The following PTPRD variants were observed in gnomAD, a reference collection of about 807,000 sequenced individuals.
The protein encoded by PTPRD is protein tyrosine phosphatase receptor type D.
A neutral mutation model predicts 214.5 loss-of-function variants in PTPRD; 34 were observed. The observed-to-expected ratio is 0.16, with a 90% CI of 0.12 to 0.21. The LOEUF (loss-of-function observed/expected upper bound fraction) is 0.21, where lower values mean the gene tolerates loss of function less well. Among genes scored for constraint, PTPRD ranks in the 10% least tolerant of loss-of-function variants. PTPRD has a pLI of 1.00. For missense variants in PTPRD, 2,545 were observed against 2,398.7 expected (o/e 1.06, Z -1.27); for synonymous variants, 1,128 against 845.7 (o/e 1.33, Z -5.79).
chr9:9,018,204 T>G (rs1234194700), intron 11 of PTPRD, among the ~76,000 whole-genome samples: 5 of 152,144 alleles, frequency 3.3e-5, no homozygotes, highest in Admixed American at 3.3e-4. Context: ...ATTGGGTGGT[T>G]GTTGTATTGT....
At chr9:8,372,753 GTTGA>G (rs568929987) in intron 39 of PTPRD, among the ~76,000 whole-genome samples, 29 of 151,930 alleles carry the variant, frequency 1.9e-4, no homozygotes, top group Non-Finnish European at 3.8e-4. Flanking sequence ...CTTTTTTGTT[GTTGA>G]TTGTTAGAAT....
chr9:9,026,029 T>A (rs1245559260), intron 10 of PTPRD, among the ~76,000 whole-genome samples: 1 of 151,958 alleles, frequency 6.6e-6, no homozygotes, highest in Non-Finnish European at 1.5e-5. Flanking sequence ...GATGGATGGA[T>A]AATTTCAGTG....
intron 39 of PTPRD, among the ~76,000 whole-genome samples, chr9:8,363,930 T>C (rs1021453011): frequency 2.0e-5 from 3 of 152,236 alleles, no homozygotes; most frequent in African/African-American, 4.8e-5. Flanking sequence ...TACATTTCTG[T>C]AACAAGAAAT....
intron 14 of PTPRD, among the ~76,000 whole-genome samples, chr9:8,620,649 A>T (rs2095793280): frequency 6.6e-6 from 1 of 151,968 alleles, no homozygotes; most frequent in African/African-American, 2.4e-5. Context: ...TGTAATGTGC[A>T]AAACCATCCT....
At chr9:8,769,197 G>C (rs1318968558) in intron 11 of PTPRD, among the ~76,000 whole-genome samples, 4 of 152,150 alleles carry the variant, frequency 2.6e-5, no homozygotes, top group Non-Finnish European at 5.9e-5. Context: ...ATGTTTACTA[G>C]GCATTGTATC....
chr9:10,306,040 A>G (rs1165152950), intron 3 of PTPRD, among the ~76,000 whole-genome samples: 1 of 152,164 alleles, frequency 6.6e-6, no homozygotes, highest in Non-Finnish European at 1.5e-5. Flanking sequence ...CATCAATGAT[A>G]GACTGGATAA....
intron 8 of PTPRD, among the ~76,000 whole-genome samples, chr9:9,493,235 T>C (rs60108464): frequency 2.0e-5 from 3 of 152,108 alleles, no homozygotes; most frequent in East Asian, 1.9e-4. Flanking sequence ...GCTCTAGAAA[T>C]GGAAAAACAA....
At chr9:10,546,636 C>G (rs1387410972) in intron 2 of PTPRD, among the ~76,000 whole-genome samples, 2 of 151,790 alleles carry the variant, frequency 1.3e-5, no homozygotes, top group African/African-American at 4.8e-5. Context: ...GCATTATATG[C>G]CTTTCTAGGA....
chr9:10,120,677 A>T (rs200421381), intron 3 of PTPRD, among the ~76,000 whole-genome samples: 1 of 144,498 alleles, frequency 6.9e-6, no homozygotes, highest in African/African-American at 2.5e-5. Flanking sequence ...TTGAAAAAAA[A>T]TTTGCTTAAA....
chr9:10,048,110 T>C (rs2097441867), intron 3 of PTPRD, among the ~76,000 whole-genome samples: 1 of 152,188 alleles, frequency 6.6e-6, no homozygotes, highest in African/African-American at 2.4e-5. Context: ...CAAGGTTTCC[T>C]ACGTGAGACA....
chr9:8,580,046 T>C (rs190108109), intron 14 of PTPRD, among the ~76,000 whole-genome samples: 145 of 152,290 alleles, frequency 9.5e-4, no homozygotes, highest in African/African-American at 3.4e-3. Flanking sequence ...ATTCCACAAA[T>C]TATTGACCAA....
At chr9:9,786,646 T>A (rs765903140) in intron 5 of PTPRD, among the ~76,000 whole-genome samples, 2 of 152,028 alleles carry the variant, frequency 1.3e-5, no homozygotes, top group Non-Finnish European at 2.9e-5. Context: ...TAGATCTCGA[T>A]CCTTGAGGAA....
chr9:10,515,058 A>T (rs893642752), intron 2 of PTPRD, among the ~76,000 whole-genome samples: 1 of 152,002 alleles, frequency 6.6e-6, no homozygotes, highest in African/African-American at 2.4e-5. Flanking sequence ...AAATTGACAA[A>T]ATAAGAATAA....
chr9:9,823,975 T>C (rs910143346), intron 5 of PTPRD, among the ~76,000 whole-genome samples: 8 of 152,082 alleles, frequency 5.3e-5, no homozygotes, highest in Non-Finnish European at 1.2e-4. Flanking sequence ...ATATCACATG[T>C]ACCCCATAAA....
chr9:10,498,619 C>T (rs1403629619), intron 2 of PTPRD, among the ~76,000 whole-genome samples: 2 of 151,548 alleles, frequency 1.3e-5, no homozygotes, highest in African/African-American at 4.8e-5. Flanking sequence ...AGTAATTTGA[C>T]TATAATAGAT....
At chr9:8,784,889 C>A (rs1000167707) in intron 11 of PTPRD, among the ~76,000 whole-genome samples, 2 of 152,142 alleles carry the variant, frequency 1.3e-5, no homozygotes, top group African/African-American at 4.8e-5. Flanking sequence ...CTGCGAGCCC[C>A]TCAAAAACAA....
At chr9:8,891,655 G>T (rs183531791) in intron 11 of PTPRD, among the ~76,000 whole-genome samples, 2 of 152,198 alleles carry the variant, frequency 1.3e-5, no homozygotes. Context: ...TGCAATGGAC[G>T]CAGCGATGGA....
intron 12 of PTPRD, among the ~76,000 whole-genome samples, chr9:8,671,610 G>C (rs767116791): frequency 1.1e-4 from 17 of 152,096 alleles, no homozygotes; most frequent in African/African-American, 3.1e-4. Context: ...GTAGGAATCA[G>C]AGAAATGCCT....
At chr9:9,959,413 T>C (rs4742644) in intron 4 of PTPRD, among the ~76,000 whole-genome samples, 38,967 of 152,092 alleles carry the variant, frequency 0.26, 5,931 homozygotes, top group East Asian at 0.55. Context: ...TTTACTGATA[T>C]TGTAATGGTG....
Sources: allele counts gnomAD v4.1 joint callset (sites outside exome capture counted in the v4.1 genomes callset), GRCh38; gene constraint gnomAD v4.1.1; transcripts MANE v1.5; gene names NCBI Gene and HGNC (gene_info 2026-07-23, HGNC 2026-07-21).